The following ACER3 variants were observed in gnomAD, a reference collection of about 807,000 sequenced individuals.
The protein encoded by ACER3 is alkCDase 3.
ACER3 carries 16 observed loss-of-function variants against 48.9 expected under a neutral mutation model. The ratio of observed to expected loss-of-function variants is 0.33; its 90% CI spans 0.22 to 0.50. The LOEUF is 0.50. ACER3 is among the 20% of genes least tolerant of loss of function. The pLI is 0.98. For missense variants in ACER3, 227 were observed against 326.0 expected (o/e 0.70, Z 2.34); for synonymous variants, 109 against 107.8 (o/e 1.01, Z -0.07).
intron 2 of ACER3, among the ~76,000 whole-genome samples, chr11:76,956,096 G>A (rs183019798): frequency 1.3e-5 from 2 of 151,622 alleles, no homozygotes; most frequent in Admixed American, 6.6e-5. Context: ...TCTTTTAGGG[G>A]TGATGAAAAT....
intron 2 of ACER3, among the ~76,000 whole-genome samples, chr11:76,950,379 AT>A (rs1947620710): frequency 7.6e-5 from 2 of 26,430 alleles, no homozygotes; most frequent in Admixed American, 2.8e-4. Flanking sequence ...ATATATATAT[AT>A]ATATATATAT....
chr11:76,905,130 G>T (rs1946190912), intron 1 of ACER3, among the ~76,000 whole-genome samples: 1 of 152,116 alleles, frequency 6.6e-6, no homozygotes, highest in South Asian at 2.1e-4. Context: ...GGGTTTACAA[G>T]CATGAGCCAC....
At chr11:76,975,357 G>T (rs181848642) in intron 3 of ACER3, among the ~76,000 whole-genome samples, 4 of 152,038 alleles carry the variant, frequency 2.6e-5, no homozygotes, top group Admixed American at 2.6e-4. Flanking sequence ...TCTAAGATTG[G>T]TATCTACAAC....
chr11:77,023,165 GA>G lies in ACER3; in HGVS notation c.*2843del. 1 of 398,470 alleles carries G rather than the reference GA, an allele frequency of 2.5e-6. No individual in the cohort carries two copies. Among genetic ancestry groups the G allele is most frequent in the Admixed American group, 4.4e-5 (1 of 22,726 alleles). The allele number at this position is 398,470 out of a possible 1,614,324, so 24.7% of individuals were successfully genotyped here. The stretch of plus-strand genomic sequence containing the variant: ...TAGTAAATGCATTGATAATTAACAG[GA>G]AAAACATGTTTTTAAATAATCTACA... On this transcript the variant is annotated 3_prime_UTR_variant, in exon 11 of 11. Coordinates refer to ENST00000532485, the MANE Select transcript of ACER3 (RefSeq NM_018367.7).
chr11:76,886,141 G>C (rs552347465), intron 1 of ACER3, among the ~76,000 whole-genome samples: 1 of 152,316 alleles, frequency 6.6e-6, no homozygotes, highest in South Asian at 2.1e-4. Flanking sequence ...CTCTGAGTTG[G>C]TGGCATCTGG....
At chr11:76,876,100 TACACA>T (rs71473322) in intron 1 of ACER3, among the ~76,000 whole-genome samples, 1,672 of 152,266 alleles carry the variant, frequency 0.011, 11 homozygotes, top group Middle Eastern at 0.024. Context: ...CAGCCTGTAA[TACACA>T]AATCTTAAGT....
chr11:76,913,476 T>G (rs1946437225), intron 1 of ACER3, among the ~76,000 whole-genome samples: 4 of 152,208 alleles, frequency 2.6e-5, no homozygotes, highest in Admixed American at 2.6e-4. Flanking sequence ...TTCCAGTTTT[T>G]GCCCATTCAG....
intron 9 of ACER3, 151 bp from the exon 10 acceptor site, chr11:77,019,580 A>C: frequency 1.5e-6 from 1 of 684,280 alleles, no homozygotes; most frequent in Admixed American, 2.6e-5. Context: ...AGATGCTCAA[A>C]AAAAAAACAG....
At chr11:76,893,821 T>C (rs1945867002) in intron 1 of ACER3, among the ~76,000 whole-genome samples, 1 of 152,258 alleles carries the variant, frequency 6.6e-6, no homozygotes. Flanking sequence ...CTTTTTTTAA[T>C]CCATGAACTG....
chr11:76,927,454 T>C (rs997247143), intron 2 of ACER3, among the ~76,000 whole-genome samples: 1 of 94,070 alleles, frequency 1.1e-5, no homozygotes, highest in South Asian at 3.5e-4. Context: ...TCATTTTCTA[T>C]TCTGTTTTTT....
At chr11:76,981,586 A>G (rs1401628353) in intron 4 of ACER3, among the ~76,000 whole-genome samples, 1 of 152,236 alleles carries the variant, frequency 6.6e-6, no homozygotes, top group East Asian at 1.9e-4. Context: ...TCTACTTTCT[A>G]TAATTATAGA....
chr11:76,935,031 A>G (rs573931259), intron 2 of ACER3, among the ~76,000 whole-genome samples: 1 of 152,290 alleles, frequency 6.6e-6, no homozygotes, highest in African/African-American at 2.4e-5. Context: ...AATAACAGAA[A>G]TAGCTCAATT....
At chr11:76,986,765 C>G (rs1194131594) in intron 5 of ACER3, among the ~76,000 whole-genome samples, 1 of 152,036 alleles carries the variant, frequency 6.6e-6, no homozygotes, top group East Asian at 1.9e-4. Flanking sequence ...AATATTTATC[C>G]TCGAAGAAGT....
chr11:76,875,740 T>TTTTG (rs1945360944), intron 1 of ACER3, among the ~76,000 whole-genome samples: 1 of 133,446 alleles, frequency 7.5e-6, no homozygotes, highest in African/African-American at 2.9e-5. Flanking sequence ...TTGTTTTTTT[T>TTTTG]TTTTTTTTTT....
Position 77,026,078 on chromosome 11 carries a change from T to C in ACER3, c.*5751T>C, listed in dbSNP as rs111746566. The C allele has an allele frequency of 1.3e-5, 2 of 152,194 alleles. No homozygotes were observed. The highest frequency in any genetic ancestry group is 2.9e-5 in the Non-Finnish European group (2 of 68,040). The allele number at this position is 152,194 out of a possible 1,614,324, so 9.4% of individuals were successfully genotyped here. ...TTGAGAAAAATTACTATGAGCAAGG[T>C]CCATGATTTAGTTTTCAATATAAAG... On this transcript the variant is annotated 3_prime_UTR_variant, in exon 11 of 11. Coordinates refer to ENST00000532485, the MANE Select transcript of ACER3 (RefSeq NM_018367.7).
At chr11:76,872,779 C>T (rs1008881470) in intron 1 of ACER3, among the ~76,000 whole-genome samples, 1 of 151,950 alleles carries the variant, frequency 6.6e-6, no homozygotes, top group African/African-American at 2.4e-5. Context: ...GGGCCTCAGA[C>T]TTTAATGTGT....
chr11:77,014,535 A>G (rs1949328313), intron 7 of ACER3, among the ~76,000 whole-genome samples: 2 of 152,178 alleles, frequency 1.3e-5, no homozygotes, highest in South Asian at 2.1e-4. Flanking sequence ...ATTGCCTTAC[A>G]TGGAGCATAT....
At chr11:76,909,956 T>A (rs1414832930) in intron 1 of ACER3, among the ~76,000 whole-genome samples, 2 of 152,132 alleles carry the variant, frequency 1.3e-5, no homozygotes, top group Non-Finnish European at 2.9e-5. Context: ...AAGAATTAGT[T>A]CATATCTGTT....
At chr11:76,890,753 A>G (rs1945783837) in intron 1 of ACER3, among the ~76,000 whole-genome samples, 1 of 152,140 alleles carries the variant, frequency 6.6e-6, no homozygotes, top group Middle Eastern at 3.2e-3. Flanking sequence ...TTTTTTTCCC[A>G]GTATGTTATA....
Sources: gnomAD v4.1 joint callset for allele counts (sites outside exome capture counted in the v4.1 genomes callset) on GRCh38, gnomAD v4.1.1 for gene constraint, MANE v1.5 for transcripts, NCBI Gene and HGNC (gene_info 2026-07-23, HGNC 2026-07-21) for gene names.